PRUNE2: variants seen among roughly 807,000 people sequenced by gnomAD.
The protein encoded by PRUNE2 is prune homolog 2 with BCH domain.
A neutral mutation model predicts 252.0 loss-of-function variants in PRUNE2; 164 were observed. That is an observed-to-expected ratio of 0.65 (90% CI 0.57 to 0.74). The LOEUF is 0.74. Among genes scored for constraint, PRUNE2 ranks in the 30% least tolerant of loss-of-function variants. The pLI, the probability that PRUNE2 is intolerant of heterozygous loss-of-function variation, is 0.00. For synonymous variants in PRUNE2, 1,292 were observed against 1,350.2 expected (o/e 0.96, Z 0.94); for missense variants, 3,495 against 3,711.0 (o/e 0.94, Z 1.51).
chr9:76,832,099 C>T lies in PRUNE2; in HGVS notation c.509-5367G>A, dbSNP rs75588149. Among the ~76,000 whole-genome samples the T allele has an allele frequency of 2.8e-3, 421 of 152,128 alleles. 1 individual carries two copies. The highest frequency in any genetic ancestry group is 4.9e-3 in the Admixed American group (75 of 15,284). On this transcript the variant is annotated intron_variant, in intron 4 of 18. Transcript: ENST00000376718. ...AAATTTGTATGCACTAATAGCATAGCTTCTAAATATATAAAGCAAAAACTG... is the reference window on the plus strand; with the variant it reads ...AAATTTGTATGCACTAATAGCATAGTTTCTAAATATATAAAGCAAAAACTG...
rs76725773 is a variant in PRUNE2, at chr9:76,826,525, C to T, written c.661+55G>A. 5,197 of 1,341,018 alleles carry T rather than the reference C, an allele frequency of 3.9e-3. 137 individuals carry two copies. In the East Asian group the frequency reaches 0.047, roughly 12 times the overall value. The allele number at this position is 1,341,018 out of a possible 1,614,324, so 83.1% of individuals were successfully genotyped here. ...TTCTCAGGTCTGATGATGCTCCATG[C>T]CACAAACCATCCCTACTCGGGAGGG... is the stretch of plus-strand genomic sequence containing the variant. On this transcript the variant is annotated intron_variant, in intron 5 of 18. Coordinates refer to ENST00000376718, the MANE Select transcript of PRUNE2 (RefSeq NM_015225.3).
At chr9:76,727,442 A>G (rs2048193348) in intron 6 of PRUNE2, among the ~76,000 whole-genome samples, 1 of 152,222 alleles carries the variant, frequency 6.6e-6, no homozygotes, top group Admixed American at 6.5e-5. Context: ...TTTCGAAGCC[A>G]GTAAAAATAA....
At chr9:76,878,834 AATT>A (rs1182127324) in intron 1 of PRUNE2, among the ~76,000 whole-genome samples, 4 of 152,232 alleles carry the variant, frequency 2.6e-5, no homozygotes, top group Admixed American at 2.6e-4. Context: ...TTAAATACAT[AATT>A]ATACAAAGAC....
chr9:76,803,162 T>C (rs2056679737), intron 6 of PRUNE2, among the ~76,000 whole-genome samples: 1 of 152,160 alleles, frequency 6.6e-6, no homozygotes, highest in Admixed American at 6.5e-5. Flanking sequence ...GTAATGAGAT[T>C]TCATCTACTT....
chr9:76,653,817 C>G (rs1848295346), intron 10 of PRUNE2, among the ~76,000 whole-genome samples: 1 of 152,132 alleles, frequency 6.6e-6, no homozygotes, highest in Admixed American at 6.5e-5. Context: ...GTTCCCATAA[C>G]ATAAGTGACA....
chr9:76,829,755 T>TG lies in PRUNE2; in HGVS notation c.509-3024_509-3023insC, dbSNP rs200684500. Reference sequence around the variant, plus strand: ...AGCAGAGAATAGTTTTGTTTTGTTTTTTTTTTTTTAATCTGCCACTCTTCA... The same window carrying TG: ...AGCAGAGAATAGTTTTGTTTTGTTTTGTTTTTTTTTAATCTGCCACTCTTCA... On this transcript the variant is annotated intron_variant, in intron 4 of 18. Coordinates refer to ENST00000376718, the MANE Select transcript of PRUNE2 (RefSeq NM_015225.3). 5.7e-3 allele frequency among the ~76,000 whole-genome samples: 864 copies of TG among 152,076 alleles called. 4 individuals carry two copies. The highest frequency in any genetic ancestry group is 0.02 in the African/African-American group (818 of 41,500).
chr9:76,726,975 C>G (rs2048154801), intron 6 of PRUNE2, among the ~76,000 whole-genome samples: 1 of 152,194 alleles, frequency 6.6e-6, no homozygotes, highest in South Asian at 2.1e-4. Flanking sequence ...GGGCTCTAAG[C>G]AAGCCAAATA....
intron 6 of PRUNE2, among the ~76,000 whole-genome samples, chr9:76,743,368 C>T (rs2049819848): frequency 1.3e-5 from 2 of 152,252 alleles, no homozygotes; most frequent in African/African-American, 4.8e-5. Flanking sequence ...GAAGCTAGTC[C>T]ATGAAATAAA....
chr9:76,642,104 C>CA (rs978095019), intron 12 of PRUNE2: 303 of 746,846 alleles, frequency 4.1e-4, no homozygotes, highest in African/African-American at 8.1e-4. Flanking sequence ...GCTCCAAGTT[C>CA]AAAAAAAAAG....
At chr9:76,825,638 T>C (rs139375635) in intron 5 of PRUNE2, among the ~76,000 whole-genome samples, 301 of 152,360 alleles carry the variant, frequency 2.0e-3, no homozygotes, top group African/African-American at 7.1e-3. Context: ...TATGTGTGTT[T>C]GATGTTGGGA....
intron 6 of PRUNE2, among the ~76,000 whole-genome samples, chr9:76,798,848 C>T (rs1238532407): frequency 6.6e-6 from 1 of 152,094 alleles, no homozygotes; most frequent in Admixed American, 6.5e-5. Flanking sequence ...ATTTGACTTC[C>T]CATGACTCTT....
intron 4 of PRUNE2, among the ~76,000 whole-genome samples, chr9:76,837,214 C>T (rs561200893): frequency 4.5e-4 from 69 of 152,112 alleles, no homozygotes; most frequent in African/African-American, 1.4e-3. Context: ...GAGGCCAAGG[C>T]GGGCGGATCA....
chr9:76,841,120 T>C (rs544997539), intron 4 of PRUNE2, among the ~76,000 whole-genome samples: 33 of 152,142 alleles, frequency 2.2e-4, no homozygotes, highest in Admixed American at 1.3e-3. Context: ...GCTCATCTCA[T>C]TGGGACTGGT....
intron 6 of PRUNE2, among the ~76,000 whole-genome samples, chr9:76,821,865 G>A (rs984567041): frequency 6.6e-6 from 1 of 152,118 alleles, no homozygotes; most frequent in Non-Finnish European, 1.5e-5. Flanking sequence ...TAAAGCTACA[G>A]TAAGTCTGTA....
intron 6 of PRUNE2, among the ~76,000 whole-genome samples, chr9:76,764,255 A>C (rs947036436): frequency 2.6e-5 from 4 of 152,114 alleles, no homozygotes; most frequent in African/African-American, 9.7e-5. Flanking sequence ...TAAATAAATA[A>C]ATAAATAAGA....
chr9:76,789,633 A>AT (rs1359285661), intron 6 of PRUNE2, among the ~76,000 whole-genome samples: 4 of 152,148 alleles, frequency 2.6e-5, no homozygotes, highest in Non-Finnish European at 5.9e-5. Context: ...GAACTCTTCA[A>AT]TTAGATACCA....
At chr9:76,893,469 G>A (rs1363255204) in intron 1 of PRUNE2, among the ~76,000 whole-genome samples, 1 of 152,250 alleles carries the variant, frequency 6.6e-6, no homozygotes, top group Non-Finnish European at 1.5e-5. Flanking sequence ...TACCCAGGGT[G>A]ACATGGTGAT....
At chr9:76,716,487 G>T (rs374661141) in intron 6 of PRUNE2, among the ~76,000 whole-genome samples, 41 of 152,252 alleles carry the variant, frequency 2.7e-4, no homozygotes, top group African/African-American at 9.9e-4. Flanking sequence ...ACTGTCACAG[G>T]ACTTGTACTG....
chr9:76,634,905 CCCTAGTTA>C (rs1210731250), intron 15 of PRUNE2, among the ~76,000 whole-genome samples: 1 of 152,164 alleles, frequency 6.6e-6, no homozygotes, highest in Non-Finnish European at 1.5e-5. Context: ...GATTCCTACT[CCCTAGTTA>C]CAACATTTCC....
Sources: allele counts gnomAD v4.1 joint callset (sites outside exome capture counted in the v4.1 genomes callset), GRCh38; gene constraint gnomAD v4.1.1; transcripts MANE v1.5; gene names NCBI Gene and HGNC (gene_info 2026-07-23, HGNC 2026-07-21).